DYNC1LI1: variants seen among roughly 807,000 people sequenced by gnomAD.
The protein encoded by DYNC1LI1 is dynein cytoplasmic 1 light intermediate chain 1, also known as cytoplasmic dynein 1 light intermediate chain 1.
DYNC1LI1 carries 19 observed loss-of-function variants against 63.8 expected under a neutral mutation model. The observed-to-expected ratio is 0.30, with a 90% CI of 0.21 to 0.44. DYNC1LI1 has a LOEUF of 0.44. DYNC1LI1 is among the 20% of genes least tolerant of loss of function. DYNC1LI1 has a pLI of 1.00. For synonymous variants in DYNC1LI1, 225 were observed against 232.3 expected (o/e 0.97, Z 0.28); for missense variants, 565 against 630.2 (o/e 0.90, Z 1.11).
chr3:32,540,517 T>G (rs1697865479), intron 5 of DYNC1LI1, among the ~76,000 whole-genome samples: 1 of 151,678 alleles, frequency 6.6e-6, no homozygotes, highest in East Asian at 1.9e-4. Context: ...CCGTCTCTAC[T>G]AAAAATACAA....
At chr3:32,537,898 A>G (rs1240888147) in intron 5 of DYNC1LI1, among the ~76,000 whole-genome samples, 1 of 84,508 alleles carries the variant, frequency 1.2e-5, no homozygotes, top group Non-Finnish European at 2.1e-5. Context: ...ATTTATATAT[A>G]TAATATATAT....
intron 2 of DYNC1LI1, among the ~76,000 whole-genome samples, 171 bp from the exon 3 acceptor site, chr3:32,546,136 G>A (rs147404565): frequency 1.7e-3 from 263 of 152,302 alleles, no homozygotes; most frequent in African/African-American, 6.0e-3. Flanking sequence ...GGCTGGGCAT[G>A]GTGGCTCACA....
At chr3:32,530,059 G>A (rs753388167) in intron 10 of DYNC1LI1, among the ~76,000 whole-genome samples, 10 of 152,074 alleles carry the variant, frequency 6.6e-5, no homozygotes, top group East Asian at 1.9e-4. Context: ...CTCATAAGGC[G>A]GTTGTGAGAA....
intron 4 of DYNC1LI1, among the ~76,000 whole-genome samples, chr3:32,542,453 G>A (rs915852278): frequency 6.9e-6 from 1 of 145,086 alleles, no homozygotes; most frequent in Admixed American, 7.2e-5. Flanking sequence ...TGTGTCACCA[G>A]GCTGGAATGC....
In DYNC1LI1 at chr3:32,530,471, A is replaced by G. The variant is rs143895523; in HGVS notation, c.1130T>C (p.Met377Thr). 59 of 1,613,382 alleles carry G rather than the reference A, an allele frequency of 3.7e-5. No individual in the cohort carries two copies. The highest frequency in any genetic ancestry group is 4.5e-5 in the Non-Finnish European group (53 of 1,179,852). ...GATATAATTTCATACCTGTAGCTTC[A>G]TAAGAAACACCTGATCATCTTCTGC... The part of the protein sequence containing the change: ...IMAEDDQVFL[M>T]KLQSLLAKQP... The change falls in exon 9 of 13, where the codon ATG becomes ACG. Residue 377 changes from methionine (M) to threonine (T), a missense_variant. Transcript: ENST00000273130.
chr3:32,528,735 GTTTGATCT>G, intron 11 of DYNC1LI1, 134 bp from the exon 12 acceptor site: 1 of 833,922 alleles, frequency 1.2e-6, no homozygotes, highest in Non-Finnish European at 1.7e-6. Context: ...TTCAAGTCTA[GTTTGATCT>G]TTTGATGCTG....
Position 32,537,903 on chromosome 3 carries a change from A to ATATATATAATT in DYNC1LI1, c.739-800_739-799insAATTATATATA, listed in dbSNP as rs1559436063. Reference sequence around the variant, plus strand: ...TATATATATAATTTATATATATAATATATATATATAATTTATATATATAAT... The same window carrying ATATATATAATT: ...TATATATATAATTTATATATATAATATATATATAATTTATATATATAATTTATATATATAAT... On this transcript the variant is annotated intron_variant, in intron 5 of 12. Coordinates refer to ENST00000273130, the MANE Select transcript of DYNC1LI1 (RefSeq NM_016141.4). 1.7e-3 allele frequency among the ~76,000 whole-genome samples: 90 copies of ATATATATAATT among 51,874 alleles called. 9 individuals are homozygous for ATATATATAATT. Among genetic ancestry groups the ATATATATAATT allele is most frequent in the Non-Finnish European group, 2.9e-3 (79 of 27,626 alleles). The allele number at this position is 51,874 out of a possible 152,430, so 34.0% of individuals were successfully genotyped here. A position where few individuals can be genotyped will look rare whatever the true frequency, so the allele number is the denominator to read the frequency against.
At chr3:32,548,027 C>A (rs913937680) in intron 2 of DYNC1LI1, among the ~76,000 whole-genome samples, 2 of 151,904 alleles carry the variant, frequency 1.3e-5, no homozygotes, top group Non-Finnish European at 2.9e-5. Context: ...ATATTATACA[C>A]ACACATACTC....
intron 5 of DYNC1LI1, among the ~76,000 whole-genome samples, chr3:32,539,287 A>G (rs950851803): frequency 6.6e-6 from 1 of 152,182 alleles, no homozygotes; most frequent in Non-Finnish European, 1.5e-5. Context: ...TTCCTTTGTT[A>G]TGGATAATTT....
At chr3:32,527,187 C>T (rs1267526513) in intron 12 of DYNC1LI1, among the ~76,000 whole-genome samples, 5 of 152,160 alleles carry the variant, frequency 3.3e-5, no homozygotes, top group African/African-American at 4.8e-5. Flanking sequence ...ATCCCAGCTA[C>T]TTGGGAGGCT....
chr3:32,536,802 A>C (rs1375346970), intron 6 of DYNC1LI1, among the ~76,000 whole-genome samples: 1 of 152,180 alleles, frequency 6.6e-6, no homozygotes, highest in Non-Finnish European at 1.5e-5. Context: ...AAACACAGCA[A>C]ATCAAAGTAA....
In DYNC1LI1 at chr3:32,545,833, T is replaced by A. The variant is rs763254364; in HGVS notation, c.337+16A>T. ...CAAAATAGACTTCAGAAATTTATGT[T>A]ACAAATGACACTCACCATCCCTGTC... On this transcript the variant is annotated intron_variant, in intron 3 of 12. Coordinates refer to ENST00000273130, the MANE Select transcript of DYNC1LI1 (RefSeq NM_016141.4). The A allele has an allele frequency of 6.1e-5, 94 of 1,545,814 alleles. No individual in the cohort carries two copies. The highest frequency in any genetic ancestry group is 3.9e-4 in the South Asian group (35 of 89,344).
Position 32,570,385 on chromosome 3 carries a change from G to A in DYNC1LI1, c.181C>T (p.Arg61Cys), listed in dbSNP as rs1276755462. ...CILSEVSTRS[R>C]SKLPAGKNVL... ...TTCTTCCCCGCAGGGAGCTTGGAGC[G>A]CGAGCGGGTGGAGACCTCGCTGAGG... The change falls in exon 2 of 13, where the codon CGC becomes TGC. Residue 61 changes from arginine to cysteine, a missense_variant. Coordinates refer to ENST00000273130, the MANE Select transcript of DYNC1LI1 (RefSeq NM_016141.4). 6.2e-7 allele frequency: 1 copy of A among 1,606,428 alleles called. No homozygotes were observed. Among genetic ancestry groups the A allele is most frequent in the Non-Finnish European group, 8.5e-7 (1 of 1,177,422 alleles).
chr3:32,546,608 G>C (rs2125438540), intron 2 of DYNC1LI1, among the ~76,000 whole-genome samples: 1 of 152,186 alleles, frequency 6.6e-6, no homozygotes, highest in Middle Eastern at 3.4e-3. Flanking sequence ...AGGAATAAAA[G>C]ACTCTTACTC....
chr3:32,566,822 T>C (rs993188896), intron 2 of DYNC1LI1: 2 of 323,556 alleles, frequency 6.2e-6, no homozygotes, highest in Non-Finnish European at 1.2e-5. Flanking sequence ...AAAATGAAAA[T>C]GCAGTTCTTA....
intron 5 of DYNC1LI1, among the ~76,000 whole-genome samples, chr3:32,540,396 G>A (rs1332669643): frequency 6.6e-6 from 1 of 151,586 alleles, no homozygotes; most frequent in East Asian, 1.9e-4. Flanking sequence ...ATTTAATGTT[G>A]AGGCTGGGCA....
At chr3:32,561,474 G>T (rs764406688) in intron 2 of DYNC1LI1, among the ~76,000 whole-genome samples, 62 of 150,252 alleles carry the variant, frequency 4.1e-4, no homozygotes, top group Admixed American at 7.3e-4. Context: ...TAAAAAATAC[G>T]AAAAATTAGC....
intron 5 of DYNC1LI1, among the ~76,000 whole-genome samples, chr3:32,537,785 G>A (rs1417651656): frequency 7.0e-6 from 1 of 143,172 alleles, no homozygotes; most frequent in Non-Finnish European, 1.5e-5. Context: ...TGAATTGCAG[G>A]TGTAAAATAT....
At chr3:32,570,443 T>TGAGGACG (rs1553620283) in intron 1 of DYNC1LI1, 24 bp from the exon 2 acceptor site, 3 of 1,577,492 alleles carry the variant, frequency 1.9e-6, no homozygotes, top group Non-Finnish European at 2.6e-6. Flanking sequence ...AGGCGTACGG[T>TGAGGACG]GAGGCCGGAG....
Sources: allele counts gnomAD v4.1 joint callset (sites outside exome capture counted in the v4.1 genomes callset), GRCh38; gene constraint gnomAD v4.1.1; transcripts MANE v1.5; gene names NCBI Gene and HGNC (gene_info 2026-07-23, HGNC 2026-07-21).